The following BACH2 variants were observed in gnomAD, a reference collection of about 807,000 sequenced individuals.
BACH2 encodes the protein transcription regulator protein BACH2.
BACH2 carries 5 observed loss-of-function variants against 61.8 expected under a neutral mutation model. The observed-to-expected ratio is 0.08, with a 90% confidence interval of 0.04 to 0.17. The LOEUF (loss-of-function observed/expected upper bound fraction) is 0.17. Among genes scored for constraint, BACH2 ranks in the 10% least tolerant of loss-of-function variants. The pLI is 1.00. For missense variants in BACH2, 824 were observed against 1,091.1 expected, an observed-to-expected ratio of 0.76 and a Z score of 3.45; for synonymous variants, 446 against 440.1, an observed-to-expected ratio of 1.01 and a Z score of -0.17.
At chr6:90,154,475 T>C (rs1038190401) in intron 4 of BACH2, among the ~76,000 whole-genome samples, 3 of 151,806 alleles carry the variant, frequency 2.0e-5, no homozygotes, top group Admixed American at 2.0e-4. Context: ...CTAGAAGGAG[T>C]AGGTGACTTT....
chr6:90,096,266 T>G (rs541681205), intron 4 of BACH2, among the ~76,000 whole-genome samples: 7 of 152,292 alleles, frequency 4.6e-5, no homozygotes, highest in African/African-American at 1.7e-4. Context: ...GCCACCTGCT[T>G]CTCTCTCTGC....
At chr6:89,947,162 G>A (rs1773777636) in intron 7 of BACH2, among the ~76,000 whole-genome samples, 1 of 152,220 alleles carries the variant, frequency 6.6e-6, no homozygotes, top group East Asian at 1.9e-4. Flanking sequence ...ACTTGAAAGA[G>A]AAGGCACCTG....
chr6:90,193,431 A>AG (rs1384201271), intron 4 of BACH2, among the ~76,000 whole-genome samples: 3 of 152,216 alleles, frequency 2.0e-5, no homozygotes, highest in Non-Finnish European at 4.4e-5. Flanking sequence ...CCAAGGAGCA[A>AG]GGCCTGGAAG....
At chr6:90,248,914 T>C (rs1770718232) in intron 3 of BACH2, among the ~76,000 whole-genome samples, 1 of 152,108 alleles carries the variant, frequency 6.6e-6, no homozygotes, top group African/African-American at 2.4e-5. Context: ...TGGTTTCAAA[T>C]CCAAATAAAA....
intron 4 of BACH2, among the ~76,000 whole-genome samples, chr6:90,092,960 T>C (rs3857500): frequency 0.32 from 48,847 of 151,816 alleles, 8,400 homozygotes; most frequent in East Asian, 0.67. Flanking sequence ...CATCCATCAA[T>C]CTGAGGCCTG....
intron 6 of BACH2, among the ~76,000 whole-genome samples, chr6:89,984,015 A>G (rs1776102692): frequency 6.6e-6 from 1 of 152,140 alleles, no homozygotes; most frequent in Non-Finnish European, 1.5e-5. Context: ...GACCTTCCTG[A>G]TGACAGTGAC....
At chr6:90,100,686 T>TACACACACACACACAGACACACAC (rs1554245783) in intron 4 of BACH2, among the ~76,000 whole-genome samples, 6 of 54,474 alleles carry the variant, frequency 1.1e-4, no homozygotes, top group Non-Finnish European at 1.8e-4. Context: ...TCTCTCTCTC[T>TACACACACACACACAGACACACAC]ACACACACAC....
Position 90,032,430 on chromosome 6 carries a change from T to C in BACH2, c.-12-23574A>G, listed in dbSNP as rs74935995. 3.8e-3 allele frequency among the ~76,000 whole-genome samples: 341 copies of C among 89,252 alleles called. 6 individuals carry two copies. Among genetic ancestry groups the C allele is most frequent in the East Asian group, 0.022 (20 of 896 alleles). 58.6% of individuals were successfully genotyped at this position (89,252 alleles called of 152,430 possible). A position where few individuals can be genotyped will look rare whatever the true frequency, so the allele number is the denominator to read the frequency against. On this transcript the variant is annotated intron_variant, in intron 5 of 8. Coordinates refer to ENST00000257749, the MANE Select transcript of BACH2 (RefSeq NM_021813.4). ...CAGAGTGAACAGGCAACCTACAGAA[T>C]TGGAGGAAATTTTTGTAATCTACTC...
At chr6:90,295,660 T>A in intron 1 of BACH2, among the ~76,000 whole-genome samples, 1 of 150,214 alleles carries the variant, frequency 6.7e-6, no homozygotes, top group East Asian at 2.0e-4. Context: ...GTAGGGTGTG[T>A]GTGTGTGTGT....
At chr6:90,066,272 T>C (rs549988972) in intron 5 of BACH2, among the ~76,000 whole-genome samples, 11 of 152,202 alleles carry the variant, frequency 7.2e-5, no homozygotes, top group Admixed American at 1.3e-4. Flanking sequence ...ATTCACGTGG[T>C]GCATTCAAGA....
intron 4 of BACH2, among the ~76,000 whole-genome samples, chr6:90,147,235 T>C (rs1784652989): frequency 6.6e-6 from 1 of 152,242 alleles, no homozygotes; most frequent in Admixed American, 6.5e-5. Context: ...TGCCAGAGAA[T>C]GAGGAAGCAC....
At chr6:89,978,214 A>G (rs1775759960) in intron 6 of BACH2, among the ~76,000 whole-genome samples, 1 of 152,204 alleles carries the variant, frequency 6.6e-6, no homozygotes, top group African/African-American at 2.4e-5. Flanking sequence ...AAACTGACAG[A>G]ACTGGGACAT....
intron 4 of BACH2, among the ~76,000 whole-genome samples, chr6:90,199,736 C>G (rs1026952077): frequency 6.6e-6 from 1 of 152,132 alleles, no homozygotes; most frequent in Non-Finnish European, 1.5e-5. Context: ...CTACAGTGGC[C>G]TGGTGCCAGC....
At chr6:89,998,017 C>T (rs1360346647) in intron 6 of BACH2, among the ~76,000 whole-genome samples, 1 of 152,124 alleles carries the variant, frequency 6.6e-6, no homozygotes, top group Non-Finnish European at 1.5e-5. Context: ...AAATGAGTAA[C>T]AATGACATTT....
chr6:90,100,728 G>GACACACACACACACACACAGAC (rs1562444145), intron 4 of BACH2, among the ~76,000 whole-genome samples: 2 of 142,270 alleles, frequency 1.4e-5, no homozygotes, highest in African/African-American at 5.2e-5. Context: ...CACACACACA[G>GACACACACACACACACACAGAC]ACACACACAC....
chr6:90,222,014 A>G (rs1052121610), intron 3 of BACH2, among the ~76,000 whole-genome samples: 5 of 152,216 alleles, frequency 3.3e-5, no homozygotes, highest in Non-Finnish European at 5.9e-5. Flanking sequence ...AACAAATAAA[A>G]AGAGAGAAAT....
At chr6:90,082,064 G>C (rs965630122) in intron 5 of BACH2, among the ~76,000 whole-genome samples, 3 of 152,170 alleles carry the variant, frequency 2.0e-5, no homozygotes, top group African/African-American at 7.2e-5. Flanking sequence ...GCATATATTT[G>C]AATGAAATTT....
At chr6:89,949,876 C>T (rs189845688) in intron 7 of BACH2, among the ~76,000 whole-genome samples, 5 of 151,978 alleles carry the variant, frequency 3.3e-5, no homozygotes, top group African/African-American at 7.2e-5. Context: ...TCTTCCTTTA[C>T]GCTGAACGGG....
At chr6:90,250,733 C>T (rs1462110727) in intron 3 of BACH2, among the ~76,000 whole-genome samples, 2 of 152,132 alleles carry the variant, frequency 1.3e-5, no homozygotes, top group African/African-American at 4.8e-5. Flanking sequence ...AGATTTGTTA[C>T]ACTACAATGT....
Sources: gnomAD v4.1 joint callset for allele counts (sites outside exome capture counted in the v4.1 genomes callset) on GRCh38, gnomAD v4.1.1 for gene constraint, MANE v1.5 for transcripts, NCBI Gene and HGNC (gene_info 2026-07-23, HGNC 2026-07-21) for gene names.